Variants in ARHGEF10L observed in about 807,000 individuals in gnomAD.
The protein encoded by ARHGEF10L is Rho guanine nucleotide exchange factor 10 like.
Under a neutral mutation model 141.2 loss-of-function variants are expected in ARHGEF10L, and 69 were observed. That is an observed-to-expected ratio of 0.49 (90% CI 0.40 to 0.60). ARHGEF10L has a LOEUF of 0.60. Among genes scored for constraint, ARHGEF10L ranks in the 20% least tolerant of loss-of-function variants. The probability of loss-of-function intolerance (pLI) is 0.00; values close to 1 mark genes in which losing one functional copy is unlikely to be tolerated. For missense variants in ARHGEF10L, 1,482 were observed against 1,734.3 expected, an observed-to-expected ratio of 0.85 and a Z score of 2.58; for synonymous variants, 711 against 718.5, an observed-to-expected ratio of 0.99 and a Z score of 0.17.
At chr1:17,663,235 G>A (rs1034973457) in intron 25 of ARHGEF10L, among the ~76,000 whole-genome samples, 1 of 152,148 alleles carries the variant, frequency 6.6e-6, no homozygotes, top group South Asian at 2.1e-4. Flanking sequence ...AGGGATGGCC[G>A]ACTGGGGATT....
Position 17,673,888 on chromosome 1 carries a change from T to C in ARHGEF10L, c.3009+9293T>C, listed in dbSNP as rs879266715. On this transcript the variant is annotated intron_variant, in intron 26 of 28. Coordinates refer to ENST00000361221, the MANE Select transcript of ARHGEF10L (RefSeq NM_018125.4). The surrounding 1 kb of genome is among the most constrained non-coding windows in gnomAD (Gnocchi z 4.1). The stretch of plus-strand genomic sequence containing the variant: ...GCACCACGTGTCAGTTGTTGTGTCA[T>C]TGTGGTCACAGGACTTGCTCAGGGT... 2.0e-5 allele frequency among the ~76,000 whole-genome samples: 3 copies of C among 152,162 alleles called. No homozygotes were observed. The highest frequency in any genetic ancestry group is 4.4e-5 in the Non-Finnish European group (3 of 68,030).
At chr1:17,605,664 C>T (rs912927972) in intron 6 of ARHGEF10L, among the ~76,000 whole-genome samples, 4 of 152,306 alleles carry the variant, frequency 2.6e-5, no homozygotes, top group Non-Finnish European at 5.9e-5. Context: ...TGATCATTCA[C>T]ACCCTGCTGT....
chr1:17,656,137 C>G lies in ARHGEF10L; in HGVS notation c.2705+35C>G. 6.5e-7 allele frequency: 1 copy of G among 1,545,734 alleles called. No homozygotes were observed. The highest frequency in any genetic ancestry group is 8.7e-7 in the Non-Finnish European group (1 of 1,144,630). ...CCGGAAGGAGGGGTGAGAGCAGCCT[C>G]TGCAGGGCTGGGCAGTGGGTGGGGG... On this transcript the variant is annotated intron_variant, in intron 24 of 28. Transcript: ENST00000361221. The surrounding 1 kb of genome is among the most constrained non-coding windows in gnomAD (Gnocchi z 4.9).
intron 26 of ARHGEF10L, among the ~76,000 whole-genome samples, chr1:17,684,366 G>A (rs1412208838): frequency 6.6e-6 from 1 of 152,206 alleles, no homozygotes. Flanking sequence ...CAGCAGATAT[G>A]GGCGGAGGGC....
the ARHGEF10L span, among the ~76,000 whole-genome samples, chr1:17,534,343 C>T: frequency 5.6e-4 from 86 of 152,240 alleles, no homozygotes; most frequent in African/African-American, 1.9e-3. Flanking sequence ...AGGATGGTCT[C>T]GAGCTCCTGA....
intron 1 of ARHGEF10L, among the ~76,000 whole-genome samples, chr1:17,544,750 A>G (rs2076856587): frequency 6.6e-6 from 1 of 152,016 alleles, no homozygotes; most frequent in African/African-American, 2.4e-5. Context: ...TCATACTGCT[A>G]TGAAGAAATA....
chr1:17,519,864 G>C, the ARHGEF10L span, among the ~76,000 whole-genome samples: 2 of 152,032 alleles, frequency 1.3e-5, no homozygotes, highest in Admixed American at 6.6e-5. Flanking sequence ...AGAGGAAACT[G>C]AGGCTCAGAG....
intron 15 of ARHGEF10L, among the ~76,000 whole-genome samples, chr1:17,630,412 G>C (rs1420770078): frequency 6.6e-6 from 1 of 152,222 alleles, no homozygotes; most frequent in African/African-American, 2.4e-5. Flanking sequence ...CAGCCCTTGG[G>C]GCGGGGGGCC....
intron 26 of ARHGEF10L, among the ~76,000 whole-genome samples, chr1:17,682,380 T>C (rs775185731): frequency 3.9e-5 from 6 of 152,130 alleles, no homozygotes; most frequent in Non-Finnish European, 7.4e-5. Context: ...TCCCACCACA[T>C]AGGTTCAGAA....
chr1:17,635,152 T>G, intron 18 of ARHGEF10L, 136 bp downstream of exon 18: 68 of 1,084,680 alleles, frequency 6.3e-5, no homozygotes, highest in Non-Finnish European at 7.9e-5. Flanking sequence ...CAGGAAGCTC[T>G]TGCTGGTTTT....
intron 7 of ARHGEF10L, among the ~76,000 whole-genome samples, chr1:17,608,194 G>A (rs1435267354): frequency 6.6e-6 from 1 of 152,212 alleles, no homozygotes; most frequent in Non-Finnish European, 1.5e-5. Flanking sequence ...CCCTAAGCCC[G>A]GGATGGGCAT....
intron 2 of ARHGEF10L, among the ~76,000 whole-genome samples, chr1:17,582,820 C>T (rs1371878081): frequency 6.6e-6 from 1 of 152,072 alleles, no homozygotes; most frequent in Non-Finnish European, 1.5e-5. Flanking sequence ...TCACAGTCAC[C>T]CACCCCGAAC....
upstream of ARHGEF10L, among the ~76,000 whole-genome samples, chr1:17,537,987 G>T (rs971016607): frequency 1.3e-5 from 2 of 152,042 alleles, no homozygotes; most frequent in Admixed American, 6.6e-5. Flanking sequence ...GAGGCAGGAG[G>T]ATTGCTTGAG....
chr1:17,573,559 G>A lies in ARHGEF10L; in HGVS notation c.-43-6994G>A, dbSNP rs1050005132. Among the ~76,000 whole-genome samples, 2 of 152,152 alleles carry A rather than the reference G, an allele frequency of 1.3e-5. No individual in the cohort carries two copies. The highest frequency in any genetic ancestry group is 2.4e-5 in the African/African-American group (1 of 41,434). On this transcript the variant is annotated intron_variant, in intron 1 of 28. Coordinates refer to ENST00000361221, the MANE Select transcript of ARHGEF10L (RefSeq NM_018125.4). This position sits in a 1 kb window ranked among gnomAD's most constrained non-coding sequence, Gnocchi z 4.8. ...GATCGCCGGGGACAAAGGGGTTAAT[G>A]TGTCTGGGGGCTGGGAGGGAAGGAG...
At chr1:17,591,434 A>C (rs1380050571) in intron 4 of ARHGEF10L, among the ~76,000 whole-genome samples, 3 of 126,784 alleles carry the variant, frequency 2.4e-5, no homozygotes, top group African/African-American at 3.1e-5. Flanking sequence ...TTTTTCTGAG[A>C]CAGTTTTGCT....
At position 17,629,744 on chromosome 1, in the gene ARHGEF10L, A is replaced by G. The variant is rs1357286020; in HGVS notation, c.1584+2241A>G. On this transcript the variant is annotated intron_variant, in intron 15 of 28. Transcript: ENST00000361221. ...AGCCTCGAGTTTGGAATGTCTCGGG[A>G]GAAAAAGCCTTCAGCCCCGCCATGA... Among the ~76,000 whole-genome samples the G allele has an allele frequency of 2.6e-5, 4 of 152,110 alleles. No individual in the cohort carries two copies. In the East Asian group the frequency reaches 7.7e-4, roughly 29 times the overall value.
intron 1 of ARHGEF10L, among the ~76,000 whole-genome samples, chr1:17,575,986 C>T (rs1051675048): frequency 2.6e-5 from 4 of 152,214 alleles, no homozygotes; most frequent in South Asian, 2.1e-4. Flanking sequence ...CTGCCCAGCT[C>T]ATCCCAGCAG....
the ARHGEF10L span, among the ~76,000 whole-genome samples, chr1:17,514,125 CTTTTTTTTTTTTT>C: frequency 1.5e-3 from 61 of 40,484 alleles, no homozygotes; most frequent in African/African-American, 3.7e-3. Flanking sequence ...CACCCAGCCT[CTTTTTTTTTTTTT>C]TTTTTTTTTT....
At position 17,649,097 on chromosome 1, in the gene ARHGEF10L, A is replaced by T. The variant is rs969350402; in HGVS notation, c.2394+422A>T. 3.3e-5 allele frequency among the ~76,000 whole-genome samples: 5 copies of T among 152,188 alleles called. No homozygotes were observed. In the South Asian group the frequency reaches 6.2e-4, roughly 19 times the overall value. On this transcript the variant is annotated intron_variant, in intron 22 of 28. Transcript: ENST00000361221. ...GCGCCATCAGGCCTCCCGTGTATTG[A>T]GCACCTGCTGTGCCCCCTGGTTCTT...
Sources: allele counts gnomAD v4.1 joint callset (sites outside exome capture counted in the v4.1 genomes callset), GRCh38; gene constraint gnomAD v4.1.1; non-coding constraint Gnocchi (gnomAD v3.1); transcripts MANE v1.5; gene names NCBI Gene and HGNC (gene_info 2026-07-23, HGNC 2026-07-21).